TMTC1: variants seen among roughly 807,000 people sequenced by gnomAD.
TMTC1 encodes protein O-mannosyl-transferase TMTC1.
Under a neutral mutation model 104.8 loss-of-function variants are expected in TMTC1, and 73 were observed. The ratio of observed to expected loss-of-function variants is 0.70; its 90% CI spans 0.58 to 0.85. The LOEUF (loss-of-function observed/expected upper bound fraction) is 0.85, where lower values mean the gene tolerates loss of function less well. Ranked by LOEUF, TMTC1 falls within the 40% of genes least tolerant of loss-of-function variation. TMTC1 has a pLI of 0.00. For synonymous variants in TMTC1, 434 were observed against 428.7 expected (o/e 1.01, Z -0.15); for missense variants, 1,035 against 1,096.1 (o/e 0.94, Z 0.79).
rs751842009 is a variant in TMTC1 at position 29,514,611 on chromosome 12, A to C, written c.2308-7T>G. On this transcript the variant is annotated splice_polypyrimidine_tract_variant and splice_region_variant and intron_variant, in intron 15 of 17. Coordinates refer to ENST00000539277, the MANE Select transcript of TMTC1 (RefSeq NM_001193451.2). ...TGTCTATAGCATCAAGTGCCTGCAGAGGTTGGAAATTAAGACAGAATAAAT... is the reference window on the plus strand; with the variant it reads ...TGTCTATAGCATCAAGTGCCTGCAGCGGTTGGAAATTAAGACAGAATAAAT... 9.4e-6 allele frequency: 15 copies of C among 1,603,696 alleles called. No homozygotes were observed. The highest frequency in any genetic ancestry group is 1.3e-5 in the Non-Finnish European group (15 of 1,177,476).
At chr12:29,539,112 T>G (rs934417459) in intron 10 of TMTC1, among the ~76,000 whole-genome samples, 7 of 152,220 alleles carry the variant, frequency 4.6e-5, no homozygotes, top group Admixed American at 4.6e-4. Flanking sequence ...CACCCCTTGG[T>G]GGGAGCTTAT....
intron 9 of TMTC1, among the ~76,000 whole-genome samples, chr12:29,563,009 A>G (rs549967372): frequency 1.3e-5 from 2 of 152,152 alleles, no homozygotes; most frequent in South Asian, 4.2e-4. Context: ...TACACCCATT[A>G]TTTCTTCATC....
Position 29,583,354 on chromosome 12 carries a change from T to A in TMTC1, c.1418+53A>T. 1.9e-6 allele frequency: 3 copies of A among 1,555,938 alleles called. No individual in the cohort carries two copies. In the South Asian group the frequency reaches 3.6e-5, roughly 19 times the overall value. ...TTACCTCATTTGTTTGGAAACAATTTGTAAGCAAAGAAATAAACAGGAAGA... is the reference window on the plus strand; with the variant it reads ...TTACCTCATTTGTTTGGAAACAATTAGTAAGCAAAGAAATAAACAGGAAGA... On this transcript the variant is annotated intron_variant, in intron 8 of 17. Transcript: ENST00000539277.
chr12:29,739,099 G>A (rs924338980), intron 5 of TMTC1, among the ~76,000 whole-genome samples: 4 of 151,990 alleles, frequency 2.6e-5, no homozygotes, highest in African/African-American at 9.7e-5. Context: ...ATCAGGCCTC[G>A]TGATCAGACT....
intron 10 of TMTC1, among the ~76,000 whole-genome samples, chr12:29,546,542 C>T (rs542542179): frequency 6.6e-6 from 1 of 152,218 alleles, no homozygotes. Context: ...CTTCCTATTT[C>T]TCTTCCTGGC....
intron 1 of TMTC1, among the ~76,000 whole-genome samples, chr12:29,770,632 G>A (rs371013641): frequency 3.3e-5 from 5 of 152,226 alleles, no homozygotes; most frequent in Admixed American, 6.5e-5. Flanking sequence ...AGGAGTCCCC[G>A]CAGTAATGAC....
intron 5 of TMTC1, among the ~76,000 whole-genome samples, chr12:29,668,293 A>G (rs980018590): frequency 4.6e-5 from 7 of 152,120 alleles, no homozygotes; most frequent in African/African-American, 1.2e-4. Flanking sequence ...ATGGCAGAAG[A>G]GCAGAAAAGC....
chr12:29,670,325 C>G (rs900745141), intron 5 of TMTC1, among the ~76,000 whole-genome samples: 1 of 152,136 alleles, frequency 6.6e-6, no homozygotes, highest in Non-Finnish European at 1.5e-5. Flanking sequence ...TAATGAATAC[C>G]TACTGTGCCC....
Position 29,751,749 on chromosome 12 carries a change from C to A in TMTC1, c.855G>T (p.Trp285Cys). ...GTGGCAGTGGAGAGTGGCAGCCACC[C>A]CAAGCTCCTTTGTGAGGGAACCGCT... ...KQQRFPHKGA[W>C]GGCHSPLPPE... Residue 285 changes from tryptophan (W) to cysteine (C), a missense_variant, in exon 5 of 18, where the codon TGG (tryptophan) becomes TGT (cysteine). By Grantham distance (215) the Trp-to-Cys change is radical (BLOSUM62 -2). Transcript: ENST00000539277. 6.2e-7 allele frequency: 1 copy of A among 1,614,082 alleles called. No homozygotes were observed. The highest frequency in any genetic ancestry group is 8.5e-7 in the Non-Finnish European group (1 of 1,180,014).
intron 2 of TMTC1, among the ~76,000 whole-genome samples, chr12:29,760,175 T>C (rs1943311537): frequency 6.6e-6 from 1 of 152,180 alleles, no homozygotes; most frequent in Non-Finnish European, 1.5e-5. Flanking sequence ...CAAAATCACC[T>C]AACCACTCAT....
intron 6 of TMTC1, among the ~76,000 whole-genome samples, chr12:29,619,521 G>GT (rs1275069267): frequency 6.6e-6 from 1 of 152,212 alleles, no homozygotes; most frequent in Non-Finnish European, 1.5e-5. Context: ...TGCATTTCTA[G>GT]TGTCCACGTT....
In TMTC1 at chr12:29,502,382, T is replaced by G. The variant is rs944757504; in HGVS notation, c.*4464A>C. On this transcript the variant is annotated 3_prime_UTR_variant, in exon 18 of 18. Transcript: ENST00000539277. ...ACAGATTCTAACAAGTACAAAGAAA[T>G]AATTAACAAAAGCTCATGTGTGCCC... 1 of 146,198 alleles carries G rather than the reference T, an allele frequency of 6.8e-6. No homozygotes were observed. Among genetic ancestry groups the G allele is most frequent in the Non-Finnish European group, 1.5e-5 (1 of 66,698 alleles). The allele number at this position is 146,198 out of a possible 1,614,324, so 9.1% of individuals were successfully genotyped here. A position where few individuals can be genotyped will look rare whatever the true frequency, so the allele number is the denominator to read the frequency against.
At chr12:29,560,711 C>T (rs1592233421) in intron 9 of TMTC1, among the ~76,000 whole-genome samples, 2 of 152,118 alleles carry the variant, frequency 1.3e-5, no homozygotes, top group South Asian at 4.1e-4. Flanking sequence ...ACTGGATAAA[C>T]AATATCCATT....
At chr12:29,513,222 G>A (rs976781128) in intron 16 of TMTC1, among the ~76,000 whole-genome samples, 3 of 152,022 alleles carry the variant, frequency 2.0e-5, no homozygotes, top group Non-Finnish European at 4.4e-5. Flanking sequence ...TAATGACCAT[G>A]CCTTTCTTAT....
At chr12:29,523,245 A>G (rs184243429) in intron 11 of TMTC1, among the ~76,000 whole-genome samples, 1 of 152,362 alleles carries the variant, frequency 6.6e-6, no homozygotes, top group African/African-American at 2.4e-5. Context: ...GAGTTCACAG[A>G]TTGGGCAACC....
intron 1 of TMTC1, among the ~76,000 whole-genome samples, chr12:29,780,993 T>C (rs1309381985): frequency 6.6e-6 from 1 of 152,248 alleles, no homozygotes; most frequent in Non-Finnish European, 1.5e-5. Flanking sequence ...AGACGTAATC[T>C]ATGTGAAGTA....
intron 6 of TMTC1, among the ~76,000 whole-genome samples, chr12:29,607,908 T>C (rs981716119): frequency 6.6e-6 from 1 of 152,142 alleles, no homozygotes; most frequent in Non-Finnish European, 1.5e-5. Context: ...CCACCCTACA[T>C]TGCTAATCTT....
rs989515108 is a variant in TMTC1 at position 29,501,392 on chromosome 12, T to G, written c.*5454A>C. The G allele has an allele frequency of 5.3e-5, 8 of 152,196 alleles. No individual in the cohort carries two copies. The highest frequency in any genetic ancestry group is 1.9e-4 in the African/African-American group (8 of 41,440). The allele number at this position is 152,196 out of a possible 1,614,324, so 9.4% of individuals were successfully genotyped here. On this transcript the variant is annotated 3_prime_UTR_variant, in exon 18 of 18. Transcript: ENST00000539277. The stretch of plus-strand genomic sequence containing the variant: ...AAGAGTAACTATTAGAGTTACTCAT[T>G]GAGCTTAATGGAAACATCAAACCGA...
At chr12:29,635,701 T>G (rs1413090940) in intron 5 of TMTC1, among the ~76,000 whole-genome samples, 1 of 152,162 alleles carries the variant, frequency 6.6e-6, no homozygotes, top group East Asian at 1.9e-4. Flanking sequence ...AAACCTGAAC[T>G]AATCAAGTCC....
Sources: allele counts gnomAD v4.1 joint callset (sites outside exome capture counted in the v4.1 genomes callset), GRCh38; gene constraint gnomAD v4.1.1; transcripts MANE v1.5; gene names NCBI Gene and HGNC (gene_info 2026-07-23, HGNC 2026-07-21).